Variants in GULP1 observed in about 807,000 individuals in gnomAD.
GULP1 encodes the protein GULP PTB domain containing engulfment adaptor 1, also known as PTB domain-containing engulfment adapter protein 1.
In GULP1, 19 loss-of-function variants were observed where a neutral mutation model predicts 40.9. The observed-to-expected ratio is 0.46, with a 90% CI of 0.32 to 0.68. The LOEUF is 0.68. GULP1 is among the 30% of genes least tolerant of loss of function. The probability of loss-of-function intolerance (pLI) is 0.03; values close to 1 mark genes in which losing one functional copy is unlikely to be tolerated. For synonymous variants in GULP1, 119 were observed against 117.6 expected (o/e 1.01, Z -0.08); for missense variants, 312 against 362.2 (o/e 0.86, Z 1.12).
At chr2:188,500,071 G>T (rs1239858206) in intron 4 of GULP1, among the ~76,000 whole-genome samples, 1 of 151,794 alleles carries the variant, frequency 6.6e-6, no homozygotes, top group Non-Finnish European at 1.5e-5. Flanking sequence ...TCAATACTTT[G>T]TGTCATATGT....
chr2:188,579,105 G>T (rs537250515), intron 9 of GULP1, among the ~76,000 whole-genome samples: 1 of 152,150 alleles, frequency 6.6e-6, no homozygotes, highest in South Asian at 2.1e-4. Context: ...TTTTTATAGG[G>T]AATTACATAT....
intron 1 of GULP1, among the ~76,000 whole-genome samples, chr2:188,311,108 T>A (rs185958606): frequency 3.5e-4 from 54 of 152,280 alleles, no homozygotes; most frequent in Middle Eastern, 3.4e-3. Context: ...CAATCCTTGG[T>A]CAAAGGATAA....
intron 2 of GULP1, among the ~76,000 whole-genome samples, chr2:188,474,838 G>C (rs985973666): frequency 6.6e-6 from 1 of 152,010 alleles, no homozygotes; most frequent in East Asian, 1.9e-4. Context: ...TAATAATAGG[G>C]AAATGATTCA....
intron 7 of GULP1, among the ~76,000 whole-genome samples, chr2:188,552,505 A>G (rs1693728454): frequency 6.6e-6 from 1 of 151,590 alleles, no homozygotes; most frequent in Admixed American, 6.6e-5. Context: ...ATTCTATTCC[A>G]TTATTCTGTG....
intron 4 of GULP1, among the ~76,000 whole-genome samples, chr2:188,488,931 T>G (rs1559299744): frequency 6.6e-6 from 1 of 151,996 alleles, no homozygotes; most frequent in African/African-American, 2.4e-5. Context: ...GTTTTACAAG[T>G]AATCAGTTAA....
intron 9 of GULP1, among the ~76,000 whole-genome samples, chr2:188,580,928 C>A (rs1210256090): frequency 6.6e-6 from 1 of 152,206 alleles, no homozygotes; most frequent in Non-Finnish European, 1.5e-5. Flanking sequence ...CGGCCAGAAT[C>A]TTATGTGCGA....
At chr2:188,469,413 A>G (rs1208177327) in intron 2 of GULP1, among the ~76,000 whole-genome samples, 2 of 152,188 alleles carry the variant, frequency 1.3e-5, no homozygotes, top group Non-Finnish European at 2.9e-5. Context: ...ACATTGATAT[A>G]AAAAGATACC....
At position 188,593,993 on chromosome 2, in the gene GULP1, G is replaced by C; in HGVS notation, c.897G>C (p.Pro299=). The change falls in exon 12 of 12, where the codon CCG becomes CCC. Residue 299 remains proline, a synonymous_variant. Coordinates refer to ENST00000409830, the MANE Select transcript of GULP1 (RefSeq NM_016315.4). ...TLEGTVFCLD[P]LDSRC ...AAGGCACAGTATTTTGTCTCGACCC[G>C]TTAGACAGTAGGTGCTGACATCAAG... 1 of 1,592,964 alleles carries C rather than the reference G, an allele frequency of 6.3e-7. No individual in the cohort carries two copies. Among genetic ancestry groups the C allele is most frequent in the African/African-American group, 1.3e-5 (1 of 74,572 alleles).
intron 1 of GULP1, among the ~76,000 whole-genome samples, chr2:188,302,682 C>T (rs10184797): frequency 0.024 from 3,577 of 152,196 alleles, 148 homozygotes; most frequent in African/African-American, 0.081. Context: ...GGCTCTTGTG[C>T]GTCCTCTTCT....
chr2:188,511,960 G>A (rs2064607850), intron 4 of GULP1, among the ~76,000 whole-genome samples: 1 of 151,788 alleles, frequency 6.6e-6, no homozygotes, highest in Non-Finnish European at 1.5e-5. Context: ...TTATAGTTTT[G>A]ATTAATAAGT....
chr2:188,358,325 A>G (rs576095246), intron 1 of GULP1, among the ~76,000 whole-genome samples: 1 of 152,338 alleles, frequency 6.6e-6, no homozygotes, highest in East Asian at 1.9e-4. Context: ...AGTGGTTACT[A>G]GGGACTGGAA....
At chr2:188,571,584 T>C (rs1699042707) in intron 9 of GULP1, among the ~76,000 whole-genome samples, 1 of 152,142 alleles carries the variant, frequency 6.6e-6, no homozygotes, top group African/African-American at 2.4e-5. Flanking sequence ...TTCCTTCTTA[T>C]TTTTTCTTGT....
chr2:188,487,047 ACT>A (rs2153078298), intron 4 of GULP1, among the ~76,000 whole-genome samples: 1 of 152,084 alleles, frequency 6.6e-6, no homozygotes, highest in African/African-American at 2.4e-5. Flanking sequence ...TTCTATTGCT[ACT>A]ATAATTAGAA....
intron 1 of GULP1, among the ~76,000 whole-genome samples, chr2:188,326,214 C>T (rs1160132395): frequency 6.6e-6 from 1 of 151,964 alleles, no homozygotes; most frequent in African/African-American, 2.4e-5. Context: ...ATATTAAGTC[C>T]AGATCTAATA....
intron 1 of GULP1, among the ~76,000 whole-genome samples, chr2:188,354,308 A>G (rs976961090): frequency 2.0e-5 from 3 of 151,714 alleles, no homozygotes; most frequent in Admixed American, 6.6e-5. Flanking sequence ...TGCCTACCCT[A>G]CTCCCTAGGT....
intron 1 of GULP1, among the ~76,000 whole-genome samples, chr2:188,364,941 TAC>T (rs1230540876): frequency 7.2e-6 from 1 of 138,066 alleles, no homozygotes; most frequent in East Asian, 2.2e-4. Flanking sequence ...TATATATATA[TAC>T]ACACACACAC....
At chr2:188,442,964 G>T (rs1031704310) in intron 2 of GULP1, among the ~76,000 whole-genome samples, 12 of 152,092 alleles carry the variant, frequency 7.9e-5, no homozygotes, top group Admixed American at 2.6e-4. Context: ...AAATATACAG[G>T]TGCATAAACA....
At chr2:188,420,720 A>G (rs944076481) in intron 2 of GULP1, among the ~76,000 whole-genome samples, 5 of 152,184 alleles carry the variant, frequency 3.3e-5, no homozygotes, top group African/African-American at 1.2e-4. Context: ...GTGGGAGTGC[A>G]TGCTGATTGG....
intron 2 of GULP1, among the ~76,000 whole-genome samples, chr2:188,424,454 T>A (rs893957081): frequency 1.3e-5 from 2 of 151,930 alleles, no homozygotes; most frequent in Non-Finnish European, 2.9e-5. Context: ...GCAACCTTAC[T>A]CCCAATATTA....
Sources: gnomAD v4.1 joint callset for allele counts (sites outside exome capture counted in the v4.1 genomes callset) on GRCh38, gnomAD v4.1.1 for gene constraint, MANE v1.5 for transcripts, NCBI Gene and HGNC (gene_info 2026-07-23, HGNC 2026-07-21) for gene names.